Variants in PPP2R2A observed in about 807,000 individuals in gnomAD.
The protein encoded by PPP2R2A is serine/threonine-protein phosphatase 2A 55 kDa regulatory subunit B alpha isoform.
Under a neutral mutation model 53.2 loss-of-function variants are expected in PPP2R2A, and 9 were observed. The ratio of observed to expected loss-of-function variants is 0.17; its 90% CI spans 0.10 to 0.30. The LOEUF (loss-of-function observed/expected upper bound fraction) is 0.30, where lower values mean the gene tolerates loss of function less well. Among genes scored for constraint, PPP2R2A ranks in the 10% least tolerant of loss-of-function variants. The pLI, the probability that PPP2R2A is intolerant of heterozygous loss-of-function variation, is 1.00. For missense variants in PPP2R2A, 235 were observed against 534.6 expected, an observed-to-expected ratio of 0.44 and a Z score of 5.53; for synonymous variants, 169 against 174.2, an observed-to-expected ratio of 0.97 and a Z score of 0.23.
Position 26,370,054 on chromosome 8 carries a change from G to C in PPP2R2A, c.1065-80G>C. 1.4e-6 allele frequency: 2 copies of C among 1,445,510 alleles called. No homozygotes were observed. Among genetic ancestry groups the C allele is most frequent in the South Asian group, 2.6e-5 (2 of 78,236 alleles). 89.5% of individuals were successfully genotyped at this position (1,445,510 alleles called of 1,614,324 possible). A position where few individuals can be genotyped will look rare whatever the true frequency, so the allele number is the denominator to read the frequency against. On this transcript the variant is annotated intron_variant, in intron 9 of 9. Coordinates refer to ENST00000380737, the MANE Select transcript of PPP2R2A (RefSeq NM_002717.4). The surrounding 1 kb of genome is among the most constrained non-coding windows in gnomAD (Gnocchi z 6.1). ...ATCTGCTTTTGAAGTAGCTTCCTAT[G>C]GTTTAATTGCCGAATCATTTTACTT...
chr8:26,372,239 G>T lies in PPP2R2A; in HGVS notation c.*1826G>T, dbSNP rs1412768804. ...ATGGCACTTTTACTAATTTATTTGG[G>T]GATCTTGGGTACATTCTTAATTTGT... On this transcript the variant is annotated 3_prime_UTR_variant, in exon 10 of 10. Coordinates refer to ENST00000380737, the MANE Select transcript of PPP2R2A (RefSeq NM_002717.4). The T allele has an allele frequency of 1.3e-5, 2 of 152,062 alleles. No homozygotes were observed. The highest frequency in any genetic ancestry group is 2.9e-5 in the Non-Finnish European group (2 of 68,012). 9.4% of individuals were successfully genotyped at this position (152,062 alleles called of 1,614,324 possible).
In PPP2R2A at chr8:26,334,894, C is replaced by T. The variant is rs560440460; in HGVS notation, c.83-3996C>T. The stretch of plus-strand genomic sequence containing the variant: ...TAAGAGTAGATTATTTTCTAAAAAC[C>T]TGGATACCAGTATTTAGCCAGCCCT... On this transcript the variant is annotated intron_variant, in intron 2 of 9. Coordinates refer to ENST00000380737, the MANE Select transcript of PPP2R2A (RefSeq NM_002717.4). Among the ~76,000 whole-genome samples, 163 of 152,234 alleles carry T rather than the reference C, an allele frequency of 1.1e-3. 2 individuals carry two copies. Among genetic ancestry groups the T allele is most frequent in the Non-Finnish European group, 2.0e-3 (137 of 68,002 alleles).
chr8:26,304,547 C>G (rs1047193051), intron 2 of PPP2R2A, among the ~76,000 whole-genome samples: 4 of 152,220 alleles, frequency 2.6e-5, no homozygotes, highest in Non-Finnish European at 5.9e-5. Context: ...GTAGGTCTGT[C>G]TGCTCTGTAT....
chr8:26,324,585 C>G (rs749562193), intron 2 of PPP2R2A, among the ~76,000 whole-genome samples: 1 of 152,150 alleles, frequency 6.6e-6, no homozygotes, highest in Non-Finnish European at 1.5e-5. Context: ...TAGGACAGTG[C>G]GGAAGGGAAA....
chr8:26,370,108 A>T lies in PPP2R2A; in HGVS notation c.1065-26A>T, dbSNP rs756735860. On this transcript the variant is annotated intron_variant, in intron 9 of 9. Transcript: ENST00000380737. The surrounding 1 kb of genome is among the most constrained non-coding windows in gnomAD (Gnocchi z 6.1). Reference sequence around the variant, plus strand: ...AACAATTTCTTGTTCTGCTTGTTTGACTGAGTGTACTGTCTATTTTCACAG... The same window carrying T: ...AACAATTTCTTGTTCTGCTTGTTTGTCTGAGTGTACTGTCTATTTTCACAG... 56 of 1,589,456 alleles carry T rather than the reference A, an allele frequency of 3.5e-5. No individual in the cohort carries two copies. The East Asian group carries it at 1.3e-3, about 36-fold the overall frequency.
In PPP2R2A at chr8:26,297,314, G is replaced by C. The variant is rs573436431; in HGVS notation, c.82+3574G>C. On this transcript the variant is annotated intron_variant, in intron 2 of 9. Coordinates refer to ENST00000380737, the MANE Select transcript of PPP2R2A (RefSeq NM_002717.4). The stretch of plus-strand genomic sequence containing the variant: ...TATTAGAGATGGTTTTGCCATGTTG[G>C]CCAGGCTTGTTTTGAACTCCTGACC... Among the ~76,000 whole-genome samples the C allele has an allele frequency of 2.6e-5, 4 of 152,106 alleles. 1 individual carries two copies. In the East Asian group the frequency reaches 7.8e-4, roughly 29 times the overall value.
chr8:26,348,152 A>AAGTTTTATTT (rs1368522992), intron 3 of PPP2R2A, among the ~76,000 whole-genome samples: 64 of 152,366 alleles, frequency 4.2e-4, no homozygotes, highest in African/African-American at 1.5e-3. Flanking sequence ...AAGTTTTAGT[A>AAGTTTTATTT]GGGTTCTATT....
intron 9 of PPP2R2A, among the ~76,000 whole-genome samples, chr8:26,369,243 A>G (rs1295649852): frequency 6.6e-5 from 10 of 151,994 alleles, no homozygotes; most frequent in Non-Finnish European, 1.3e-4. Context: ...TTATTTATTT[A>G]TGAGACAGAG....
chr8:26,306,533 AC>A (rs1173244580), intron 2 of PPP2R2A, among the ~76,000 whole-genome samples: 1 of 151,898 alleles, frequency 6.6e-6, no homozygotes, highest in Non-Finnish European at 1.5e-5. Context: ...CAAAAGAAAA[AC>A]ATTTTACAGC....
intron 2 of PPP2R2A, among the ~76,000 whole-genome samples, chr8:26,309,764 AG>A (rs754340307): frequency 1.3e-5 from 2 of 152,136 alleles, no homozygotes; most frequent in Non-Finnish European, 2.9e-5. Flanking sequence ...GGAGAGAGAG[AG>A]GGGAACTGCC....
At chr8:26,313,233 C>T (rs1466882381) in intron 2 of PPP2R2A, among the ~76,000 whole-genome samples, 2 of 152,140 alleles carry the variant, frequency 1.3e-5, no homozygotes, top group African/African-American at 4.8e-5. Context: ...CATGGTTTCA[C>T]TATGTTGGCC....
chr8:26,340,959 A>T (rs1030068891), intron 3 of PPP2R2A, among the ~76,000 whole-genome samples: 12 of 152,100 alleles, frequency 7.9e-5, no homozygotes, highest in African/African-American at 1.9e-4. Flanking sequence ...CTAAAGTGCT[A>T]ATATTTTAAC....
Position 26,344,994 on chromosome 8 carries a change from T to C in PPP2R2A, c.180+6007T>C, listed in dbSNP as rs113377083. 4.8e-3 allele frequency among the ~76,000 whole-genome samples: 737 copies of C among 152,312 alleles called. 7 individuals are homozygous for C. The highest frequency in any genetic ancestry group is 0.017 in the African/African-American group (711 of 41,564). ...TTGTTTCATATACACCTTATACATATGACCTGAAGATAATTATACAACATT... is the reference window on the plus strand; with the variant it reads ...TTGTTTCATATACACCTTATACATACGACCTGAAGATAATTATACAACATT... On this transcript the variant is annotated intron_variant, in intron 3 of 9. Coordinates refer to ENST00000380737, the MANE Select transcript of PPP2R2A (RefSeq NM_002717.4).
chr8:26,323,675 A>G (rs1802951138), intron 2 of PPP2R2A, among the ~76,000 whole-genome samples: 1 of 152,230 alleles, frequency 6.6e-6, no homozygotes, highest in Non-Finnish European at 1.5e-5. Flanking sequence ...CAAGGTCTGG[A>G]AGGGTCCTGA....
rs539753026 is a variant in PPP2R2A, at chr8:26,328,529, C to T, written c.83-10361C>T. Among the ~76,000 whole-genome samples, 3 of 152,232 alleles carry T rather than the reference C, an allele frequency of 2.0e-5. No homozygotes were observed. In the South Asian group the frequency reaches 6.2e-4, roughly 32 times the overall value. ...TTATCAAAGTTTCCATGGTTTTATG[C>T]AAATAGCTATCAAATACCTGTCACC... On this transcript the variant is annotated intron_variant, in intron 2 of 9. Coordinates refer to ENST00000380737, the MANE Select transcript of PPP2R2A (RefSeq NM_002717.4).
At chr8:26,331,461 T>C (rs1417507011) in intron 2 of PPP2R2A, among the ~76,000 whole-genome samples, 2 of 152,248 alleles carry the variant, frequency 1.3e-5, no homozygotes, top group African/African-American at 4.8e-5. Flanking sequence ...CACACATTTT[T>C]ATTGGGTACT....
chr8:26,309,411 A>G (rs1323235243), intron 2 of PPP2R2A, among the ~76,000 whole-genome samples: 1 of 152,168 alleles, frequency 6.6e-6, no homozygotes. Flanking sequence ...GCTTTTTTCT[A>G]GAGTACAGGC....
intron 2 of PPP2R2A, among the ~76,000 whole-genome samples, chr8:26,297,457 A>T (rs1373380360): frequency 6.6e-6 from 1 of 152,150 alleles, no homozygotes; most frequent in Non-Finnish European, 1.5e-5. Context: ...TGTTTGAGAT[A>T]CCGTACTCTC....
intron 1 of PPP2R2A, 197 bp from the exon 2 acceptor site, chr8:26,293,469 G>C: frequency 1.4e-6 from 1 of 695,772 alleles, no homozygotes; most frequent in South Asian, 2.1e-5. Context: ...TTTCGTACCT[G>C]GAATCTTTTT....
Sources: gnomAD v4.1 joint callset for allele counts (sites outside exome capture counted in the v4.1 genomes callset) on GRCh38, gnomAD v4.1.1 for gene constraint, Gnocchi (gnomAD v3.1) non-coding constraint, MANE v1.5 for transcripts, NCBI Gene and HGNC (gene_info 2026-07-23, HGNC 2026-07-21) for gene names.